MYO5B: variants seen among roughly 807,000 people sequenced by gnomAD.
MYO5B encodes the protein unconventional myosin-Vb.
In MYO5B, 143 loss-of-function variants were observed where a neutral mutation model predicts 229.3. That is an observed-to-expected ratio of 0.62 (90% confidence interval 0.54 to 0.72). The LOEUF (loss-of-function observed/expected upper bound fraction) is 0.72. Ranked by LOEUF, MYO5B falls within the 30% of genes least tolerant of loss-of-function variation. The pLI, the probability that MYO5B is intolerant of heterozygous loss-of-function variation, is 0.00. For synonymous variants in MYO5B, 918 were observed against 885.2 expected (o/e 1.04, Z -0.66); for missense variants, 2,321 against 2,331.0 (o/e 1.00, Z 0.09).
Position 49,826,456 on chromosome 18 carries a change from T to C in MYO5B, c.*15A>G. On this transcript the variant is annotated 3_prime_UTR_variant, in exon 40 of 40. Transcript: ENST00000285039. ...CTCACATTGGGAATCAAACTAATGCTGGAAACATGCATCTTCAGACTTCAT... is the reference window on the plus strand; with the variant it reads ...CTCACATTGGGAATCAAACTAATGCCGGAAACATGCATCTTCAGACTTCAT... 1 of 1,613,408 alleles carries C rather than the reference T, an allele frequency of 6.2e-7. No homozygotes were observed. The highest frequency in any genetic ancestry group is 8.5e-7 in the Non-Finnish European group (1 of 1,179,570).
At chr18:49,969,023 G>C (rs560942487) in intron 10 of MYO5B, among the ~76,000 whole-genome samples, 25 of 152,092 alleles carry the variant, frequency 1.6e-4, no homozygotes, top group Non-Finnish European at 3.4e-4. Flanking sequence ...TGAGCTATGA[G>C]GCTTTCCTAG....
intron 1 of MYO5B, among the ~76,000 whole-genome samples, chr18:50,117,348 C>T (rs150409479): frequency 1.8e-3 from 280 of 152,144 alleles, no homozygotes; most frequent in Middle Eastern, 6.8e-3. Flanking sequence ...CCAGGAAGAC[C>T]CAACATTCCA....
chr18:50,006,787 CT>C (rs1397080198), intron 4 of MYO5B, among the ~76,000 whole-genome samples: 1 of 152,172 alleles, frequency 6.6e-6, no homozygotes, highest in Non-Finnish European at 1.5e-5. Context: ...TGAGGTCACT[CT>C]GCTCAAAGGA....
At chr18:49,920,645 C>T (rs145381196) in intron 17 of MYO5B, among the ~76,000 whole-genome samples, 1 of 152,158 alleles carries the variant, frequency 6.6e-6, no homozygotes, top group African/African-American at 2.4e-5. Context: ...ACAGGAAAAC[C>T]CACTCCATCC....
intron 10 of MYO5B, among the ~76,000 whole-genome samples, chr18:49,971,425 CGGCTCA>C (rs2025691039): frequency 6.6e-6 from 1 of 152,214 alleles, no homozygotes; most frequent in Non-Finnish European, 1.5e-5. Flanking sequence ...TGACAGTAAA[CGGCTCA>C]CACATGCTAT....
intron 1 of MYO5B, among the ~76,000 whole-genome samples, chr18:50,064,687 T>TATA (rs2030775712): frequency 6.6e-6 from 1 of 152,200 alleles, no homozygotes; most frequent in Admixed American, 6.5e-5. Context: ...AAAAGACCAG[T>TATA]ATATTGCTTT....
At chr18:49,998,972 C>G (rs893899579) in intron 5 of MYO5B, among the ~76,000 whole-genome samples, 5 of 152,176 alleles carry the variant, frequency 3.3e-5, no homozygotes, top group Admixed American at 3.3e-4. Context: ...CTAAACTGTA[C>G]ACTTAAAATG....
In MYO5B at chr18:50,085,019, C is replaced by T. The variant is rs200704632; in HGVS notation, c.28-29641G>A. Among the ~76,000 whole-genome samples, 29 of 152,264 alleles carry T rather than the reference C, an allele frequency of 1.9e-4. 1 individual carries two copies. The East Asian group carries it at 5.6e-3, about 29-fold the overall frequency. On this transcript the variant is annotated intron_variant, in intron 1 of 39. Coordinates refer to ENST00000285039, the MANE Select transcript of MYO5B (RefSeq NM_001080467.3). ...ATAGGCACGGGCAAGGACTTCATGT[C>T]TAAAACACCAAAAGCAATGGCAACA...
At chr18:50,087,463 CTAGGGAGGG>C (rs1347677808) in intron 1 of MYO5B, among the ~76,000 whole-genome samples, 1 of 150,838 alleles carries the variant, frequency 6.6e-6, no homozygotes, top group Non-Finnish European at 1.5e-5. Context: ...ATCCCAGCTA[CTAGGGAGGG>C]TGAGGCAGGA....
intron 17 of MYO5B, among the ~76,000 whole-genome samples, chr18:49,916,927 T>C (rs889560176): frequency 6.6e-6 from 1 of 152,226 alleles, no homozygotes; most frequent in Non-Finnish European, 1.5e-5. Flanking sequence ...TTTGTGATTC[T>C]TTTTCCAAAA....
intron 14 of MYO5B, among the ~76,000 whole-genome samples, chr18:49,950,032 C>A (rs1235562629): frequency 1.3e-5 from 2 of 152,130 alleles, no homozygotes; most frequent in East Asian, 3.9e-4. Flanking sequence ...TGTGTATAGC[C>A]CATCTGCAGG....
chr18:50,129,106 C>G (rs1460948846), intron 1 of MYO5B, among the ~76,000 whole-genome samples: 1 of 152,178 alleles, frequency 6.6e-6, no homozygotes, highest in Non-Finnish European at 1.5e-5. Context: ...GTGAAAGGAG[C>G]CCAGGCCAGG....
At chr18:50,100,576 T>A (rs1049882091) in intron 1 of MYO5B, among the ~76,000 whole-genome samples, 21 of 152,134 alleles carry the variant, frequency 1.4e-4, no homozygotes, top group African/African-American at 5.1e-4. Context: ...CTCTCCTCTT[T>A]CCCCAAAGCA....
intron 22 of MYO5B, among the ~76,000 whole-genome samples, chr18:49,885,025 G>T (rs2024627780): frequency 6.6e-6 from 1 of 152,154 alleles, no homozygotes; most frequent in Admixed American, 6.5e-5. Flanking sequence ...CTCATATGCT[G>T]CTGGTGGGAA....
intron 1 of MYO5B, among the ~76,000 whole-genome samples, chr18:50,089,793 G>A (rs369225399): frequency 6.6e-6 from 1 of 152,304 alleles, no homozygotes; most frequent in African/African-American, 2.4e-5. Flanking sequence ...CACCCAACAA[G>A]GCGATTCCCT....
chr18:49,939,234 C>A (rs2025287066), intron 14 of MYO5B, among the ~76,000 whole-genome samples: 1 of 149,756 alleles, frequency 6.7e-6, no homozygotes, highest in East Asian at 2.0e-4. Context: ...CAAGCTCTGC[C>A]TCCCAGGTTC....
intron 1 of MYO5B, among the ~76,000 whole-genome samples, chr18:50,077,876 A>G (rs1042161853): frequency 7.9e-5 from 12 of 152,156 alleles, no homozygotes; most frequent in African/African-American, 2.9e-4. Flanking sequence ...TACATACTAC[A>G]ATAACACATC....
intron 39 of MYO5B, among the ~76,000 whole-genome samples, chr18:49,832,355 G>T (rs954748031): frequency 6.6e-6 from 1 of 152,156 alleles, no homozygotes; most frequent in Non-Finnish European, 1.5e-5. Flanking sequence ...ATGCTCCTTT[G>T]TTCCTCCTGC....
intron 10 of MYO5B, among the ~76,000 whole-genome samples, chr18:49,972,854 G>A (rs2025705648): frequency 2.6e-5 from 4 of 151,982 alleles, no homozygotes; most frequent in Admixed American, 2.0e-4. Flanking sequence ...AAGGCCTGGG[G>A]AGGATGCCTC....
Sources: gnomAD v4.1 joint callset for allele counts (sites outside exome capture counted in the v4.1 genomes callset) on GRCh38, gnomAD v4.1.1 for gene constraint, MANE v1.5 for transcripts, NCBI Gene and HGNC (gene_info 2026-07-23, HGNC 2026-07-21) for gene names.